Variants in PCDHGB5 observed in about 807,000 individuals in gnomAD.
PCDHGB5 encodes protocadherin gamma subfamily B, 5, also known as protocadherin gamma-B5.
In PCDHGB5, 48 loss-of-function variants were observed where a neutral mutation model predicts 62.9. That is an observed-to-expected ratio of 0.76 (90% CI 0.61 to 0.97). The LOEUF is 0.97. Ranked by LOEUF, PCDHGB5 falls within the 50% of genes least tolerant of loss-of-function variation. The probability of loss-of-function intolerance (pLI) is 0.00; values close to 1 mark genes in which losing one functional copy is unlikely to be tolerated. For missense variants in PCDHGB5, 1,118 were observed against 1,198.6 expected (o/e 0.93, Z 0.99); for synonymous variants, 474 against 511.2 (o/e 0.93, Z 0.98).
intron 1 of PCDHGB5, among the ~76,000 whole-genome samples, chr5:141,435,175 C>T (rs1199067294): frequency 6.6e-6 from 1 of 152,030 alleles, no homozygotes; most frequent in East Asian, 1.9e-4. Context: ...TGGCTTTTAA[C>T]TACACTTGAG....
intron 1 of PCDHGB5, chr5:141,478,477 C>T: frequency 6.2e-7 from 1 of 1,613,796 alleles, no homozygotes; most frequent in Non-Finnish European, 8.5e-7. Flanking sequence ...GCCGCCAGAA[C>T]ACGCTGCGGA....
intron 3 of PCDHGB5, among the ~76,000 whole-genome samples, chr5:141,509,693 G>A (rs72790076): frequency 0.024 from 3,613 of 152,246 alleles, 55 homozygotes; most frequent in East Asian, 0.046. Flanking sequence ...ACAGTGGGAC[G>A]TTGGACTGGA....
In PCDHGB5 at chr5:141,486,217, T is replaced by C; in HGVS notation, c.2398-8590T>C. ...TGCTGGACGTAAATGACAATGCCCC[T>C]TACATCACAGTGACCTCAGAGCTTG... On this transcript the variant is annotated intron_variant, in intron 1 of 3. Coordinates refer to ENST00000617380, the MANE Select transcript of PCDHGB5 (RefSeq NM_018925.3). The surrounding 1 kb of genome is among the most constrained non-coding windows in gnomAD (Gnocchi z 5.0). The C allele has an allele frequency of 6.2e-7, 1 of 1,614,120 alleles. No homozygotes were observed.
rs532907359 is a variant in PCDHGB5, at chr5:141,500,353, C to T, written c.2457-5040C>T. 1.9e-4 allele frequency among the ~76,000 whole-genome samples: 29 copies of T among 152,052 alleles called. No homozygotes were observed. The East Asian group carries it at 5.2e-3, about 27-fold the overall frequency. The stretch of plus-strand genomic sequence containing the variant: ...CCTCCAGAATAGCTGGGACTACAGG[C>T]GCCCACTACCACGCCCGGCTAATTA... On this transcript the variant is annotated intron_variant, in intron 2 of 3. Transcript: ENST00000617380.
chr5:141,468,330 CAA>C lies in PCDHGB5; in HGVS notation c.2398-26459_2398-26458del, dbSNP rs533390277. 202 of 79,822 alleles carry C rather than the reference CAA, an allele frequency of 2.5e-3. 2 individuals are homozygous for C. The highest frequency in any genetic ancestry group is 7.9e-3 in the Middle Eastern group (1 of 126). The allele number at this position is 79,822 out of a possible 1,614,324, so 4.9% of individuals were successfully genotyped here. Reference sequence around the variant, plus strand: ...ACAAGAGCAACGGTAAACTCCATCTCAAAAAAAAAAAAAAAAAAAGAAAGAAA... The same window carrying C: ...ACAAGAGCAACGGTAAACTCCATCTCAAAAAAAAAAAAAAAAAGAAAGAAA... On this transcript the variant is annotated intron_variant, in intron 1 of 3. Transcript: ENST00000617380.
chr5:141,498,971 G>GGGAA (rs201769957), intron 2 of PCDHGB5, among the ~76,000 whole-genome samples: 8,226 of 110,874 alleles, frequency 0.074, 335 homozygotes, highest in Middle Eastern at 0.11. Flanking sequence ...GAGGGAGGGA[G>GGGAA]GGAAGGAAGG....
chr5:141,466,147 G>A (rs2099117729), intron 1 of PCDHGB5, among the ~76,000 whole-genome samples: 1 of 151,722 alleles, frequency 6.6e-6, no homozygotes, highest in South Asian at 2.1e-4. Flanking sequence ...TGAAAACTCT[G>A]GTCTTAAACT....
intron 1 of PCDHGB5, chr5:141,404,186 C>A (rs767632448): frequency 1.2e-6 from 2 of 1,612,966 alleles, no homozygotes; most frequent in Middle Eastern, 1.6e-4. Flanking sequence ...AATTCTTGAC[C>A]GAGAAAAAGC....
At chr5:141,438,883 C>T (rs1026043786) in intron 1 of PCDHGB5, among the ~76,000 whole-genome samples, 4 of 151,728 alleles carry the variant, frequency 2.6e-5, no homozygotes, top group Non-Finnish European at 5.9e-5. Context: ...CCAGGCTGCT[C>T]TTGAACTCCT....
chr5:141,416,233 C>T (rs1313671195), intron 1 of PCDHGB5: 1 of 152,210 alleles, frequency 6.6e-6, no homozygotes, highest in Non-Finnish European at 1.5e-5. Flanking sequence ...ATTTTTCCAG[C>T]CCTATTTATA....
At chr5:141,445,257 A>G (rs1253126709) in intron 1 of PCDHGB5, among the ~76,000 whole-genome samples, 3 of 152,152 alleles carry the variant, frequency 2.0e-5, no homozygotes, top group African/African-American at 2.4e-5. Context: ...GTGTGAGAAT[A>G]TAAGTCGAAA....
rs1432960207 is a variant in PCDHGB5, at chr5:141,477,648, C to A, written c.2398-17159C>A. On this transcript the variant is annotated intron_variant, in intron 1 of 3. Coordinates refer to ENST00000617380, the MANE Select transcript of PCDHGB5 (RefSeq NM_018925.3). This position sits in a 1 kb window ranked among gnomAD's most constrained non-coding sequence, Gnocchi z 4.9. ...ACCGGGCTAGTGGGTCGCTATTTCA[C>A]AATAAATCGTGACAATGGCATAGTG... is the stretch of plus-strand genomic sequence containing the variant. 7 of 1,614,046 alleles carry A rather than the reference C, an allele frequency of 4.3e-6. No homozygotes were observed. Among genetic ancestry groups the A allele is most frequent in the Non-Finnish European group, 5.9e-6 (7 of 1,180,044 alleles).
Position 141,486,585 on chromosome 5 carries a change from G to A in PCDHGB5, c.2398-8222G>A. The A allele has an allele frequency of 6.2e-7, 1 of 1,613,708 alleles. No individual in the cohort carries two copies. The highest frequency in any genetic ancestry group is 1.1e-5 in the South Asian group (1 of 91,080). ...TTTGTTCCTGAGAACAATCGCCCAG[G>A]GGACCTGCTTTGCTCCCTTGCAGCC... On this transcript the variant is annotated intron_variant, in intron 1 of 3. Transcript: ENST00000617380. The surrounding 1 kb of genome is among the most constrained non-coding windows in gnomAD (Gnocchi z 5.0).
At chr5:141,468,965 T>C (rs2099187692) in intron 1 of PCDHGB5, among the ~76,000 whole-genome samples, 1 of 151,738 alleles carries the variant, frequency 6.6e-6, no homozygotes, top group Admixed American at 6.6e-5. Context: ...TTTTTTACCT[T>C]AGGCTTTTGA....
chr5:141,474,908 T>C (rs1016814167), intron 1 of PCDHGB5, among the ~76,000 whole-genome samples: 7 of 152,242 alleles, frequency 4.6e-5, no homozygotes, highest in African/African-American at 1.4e-4. Flanking sequence ...TGTTCAAGGA[T>C]ATACATCTCA....
chr5:141,497,466 G>T (rs1047422582), intron 2 of PCDHGB5, among the ~76,000 whole-genome samples: 2 of 152,020 alleles, frequency 1.3e-5, no homozygotes, highest in African/African-American at 4.8e-5. Flanking sequence ...TGGAGATATG[G>T]AGGAGAAGGT....
intron 1 of PCDHGB5, among the ~76,000 whole-genome samples, chr5:141,466,704 T>C (rs1175063183): frequency 6.6e-6 from 1 of 152,202 alleles, no homozygotes; most frequent in Admixed American, 6.5e-5. Context: ...AAATTTGATG[T>C]CTGTTCTTGT....
intron 1 of PCDHGB5, among the ~76,000 whole-genome samples, chr5:141,492,539 G>A (rs1474928199): frequency 1.3e-5 from 2 of 152,200 alleles, no homozygotes; most frequent in African/African-American, 2.4e-5. Context: ...GCCCCGGGCT[G>A]GGCCGGGTCG....
chr5:141,406,662 AT>A (rs2094837131), intron 1 of PCDHGB5, among the ~76,000 whole-genome samples: 1 of 152,208 alleles, frequency 6.6e-6, no homozygotes, highest in African/African-American at 2.4e-5. Flanking sequence ...TTAATGTTAA[AT>A]TATGGAGAAT....
Sources: allele counts gnomAD v4.1 joint callset (sites outside exome capture counted in the v4.1 genomes callset), GRCh38; gene constraint gnomAD v4.1.1; non-coding constraint Gnocchi (gnomAD v3.1); transcripts MANE v1.5; gene names NCBI Gene and HGNC (gene_info 2026-07-23, HGNC 2026-07-21).